The following DCC variants were observed in gnomAD, a reference collection of about 807,000 sequenced individuals.
The protein encoded by DCC is DCC netrin 1 receptor.
A neutral mutation model predicts 172.5 loss-of-function variants in DCC; 58 were observed. That is an observed-to-expected ratio of 0.34 (90% CI 0.27 to 0.42). DCC has a LOEUF of 0.42. Among genes scored for constraint, DCC ranks in the 10% least tolerant of loss-of-function variants. The pLI, the probability that DCC is intolerant of heterozygous loss-of-function variation, is 1.00. For missense variants in DCC, 1,740 were observed against 1,791.0 expected (o/e 0.97, Z 0.51); for synonymous variants, 709 against 644.5 (o/e 1.10, Z -1.52).
At chr18:53,197,571 G>A (rs771949769) in intron 9 of DCC, among the ~76,000 whole-genome samples, 49 of 151,698 alleles carry the variant, frequency 3.2e-4, no homozygotes, top group Non-Finnish European at 5.6e-4. Flanking sequence ...CTTCATTTTG[G>A]ACTTCCAGCT....
chr18:52,668,078 G>A (rs1173050987), intron 1 of DCC, among the ~76,000 whole-genome samples: 1 of 151,788 alleles, frequency 6.6e-6, no homozygotes, highest in African/African-American at 2.4e-5. Flanking sequence ...CAGTGAGTCT[G>A]TCAAAGCAGG....
intron 1 of DCC, among the ~76,000 whole-genome samples, chr18:52,484,547 A>G (rs1145251): frequency 1 from 152,183 of 152,184 alleles, 76,091 homozygotes; most frequent in Non-Finnish European, 1. Context: ...TCTGTTATTA[A>G]TAATCTTTGA....
At chr18:52,884,366 G>A (rs940507465) in intron 2 of DCC, among the ~76,000 whole-genome samples, 2 of 150,610 alleles carry the variant, frequency 1.3e-5, no homozygotes, top group Admixed American at 6.6e-5. Context: ...GATCTTGTAA[G>A]TGTGCTTCAT....
intron 15 of DCC, among the ~76,000 whole-genome samples, chr18:53,358,993 G>A (rs2057914306): frequency 2.0e-5 from 3 of 152,270 alleles, no homozygotes; most frequent in Middle Eastern, 6.8e-3. Flanking sequence ...TCCTAGAAAT[G>A]TTGGGTGGAG....
At chr18:53,153,664 G>A (rs756774943) in intron 7 of DCC, among the ~76,000 whole-genome samples, 6 of 152,066 alleles carry the variant, frequency 3.9e-5, no homozygotes, top group African/African-American at 1.2e-4. Context: ...ATGTTACTTG[G>A]TTTTTATATA....
intron 1 of DCC, among the ~76,000 whole-genome samples, chr18:52,427,181 T>A (rs1420199037): frequency 6.6e-6 from 1 of 152,114 alleles, no homozygotes; most frequent in Non-Finnish European, 1.5e-5. Context: ...CTGCTCATTG[T>A]CATGAAGATA....
intron 1 of DCC, among the ~76,000 whole-genome samples, chr18:52,526,899 T>C (rs2031999858): frequency 6.6e-6 from 1 of 152,186 alleles, no homozygotes; most frequent in Admixed American, 6.5e-5. Flanking sequence ...CATGGGTAAT[T>C]ATTTTCCTCT....
intron 2 of DCC, among the ~76,000 whole-genome samples, chr18:52,835,984 C>G (rs1329151770): frequency 6.6e-6 from 1 of 152,146 alleles, no homozygotes; most frequent in Non-Finnish European, 1.5e-5. Flanking sequence ...AATTGACTCA[C>G]AAGGGAGGCC....
chr18:52,500,288 T>G (rs1174270561), intron 1 of DCC, among the ~76,000 whole-genome samples: 2 of 152,074 alleles, frequency 1.3e-5, no homozygotes, highest in Non-Finnish European at 2.9e-5. Flanking sequence ...AGGACGCGTG[T>G]AAAGGATTCA....
intron 2 of DCC, among the ~76,000 whole-genome samples, chr18:52,835,275 C>T (rs2038685062): frequency 6.6e-6 from 1 of 151,398 alleles, no homozygotes; most frequent in Non-Finnish European, 1.5e-5. Context: ...TCTTTGTTTT[C>T]CAAACACAAG....
At chr18:53,300,992 T>TCC (rs66526310) in intron 12 of DCC, among the ~76,000 whole-genome samples, 2 of 109,844 alleles carry the variant, frequency 1.8e-5, no homozygotes, top group Non-Finnish European at 4.2e-5. Flanking sequence ...TTTCTTTCTT[T>TCC]TTTTTTCTTT....
chr18:53,300,993 T>TTTCTTTC, intron 12 of DCC, among the ~76,000 whole-genome samples: 1 of 11,388 alleles, frequency 8.8e-5, no homozygotes. Context: ...TTCTTTCTTT[T>TTTCTTTC]TTTTTCTTTT....
chr18:52,987,419 T>A (rs2041313538), intron 5 of DCC, among the ~76,000 whole-genome samples: 1 of 152,176 alleles, frequency 6.6e-6, no homozygotes, highest in Admixed American at 6.5e-5. Flanking sequence ...TGAGCAAATT[T>A]TTTTTACAAC....
At chr18:53,054,687 G>T (rs966376621) in intron 5 of DCC, among the ~76,000 whole-genome samples, 1 of 152,062 alleles carries the variant, frequency 6.6e-6, no homozygotes, top group African/African-American at 2.4e-5. Flanking sequence ...GGGATTATTT[G>T]TCTGGCTAAA....
At chr18:52,888,667 A>G (rs555933774) in intron 2 of DCC, among the ~76,000 whole-genome samples, 3 of 151,988 alleles carry the variant, frequency 2.0e-5, no homozygotes, top group Admixed American at 6.6e-5. Context: ...TATGTCAGTT[A>G]TTTAACATAA....
chr18:53,333,722 G>C (rs960757471), intron 14 of DCC, among the ~76,000 whole-genome samples: 3 of 152,162 alleles, frequency 2.0e-5, no homozygotes, highest in Non-Finnish European at 4.4e-5. Context: ...ACCTTGGGGG[G>C]TTTTGAGCAG....
chr18:53,274,486 G>A (rs1287885564), intron 12 of DCC, among the ~76,000 whole-genome samples: 1 of 152,150 alleles, frequency 6.6e-6, no homozygotes, highest in Non-Finnish European at 1.5e-5. Flanking sequence ...CAGGTATGAA[G>A]TAAGTGTGCA....
intron 7 of DCC, among the ~76,000 whole-genome samples, chr18:53,079,305 T>C (rs1339412067): frequency 6.6e-6 from 1 of 151,970 alleles, no homozygotes; most frequent in East Asian, 1.9e-4. Context: ...TACTTGAGCC[T>C]TACTTCTCAT....
At chr18:53,447,305 C>A (rs1912674400) in intron 22 of DCC, among the ~76,000 whole-genome samples, 1 of 152,134 alleles carries the variant, frequency 6.6e-6, no homozygotes, top group Non-Finnish European at 1.5e-5. Flanking sequence ...TCTGATTATT[C>A]AGCCTTTGAT....
Sources: allele counts gnomAD v4.1 joint callset (sites outside exome capture counted in the v4.1 genomes callset), GRCh38; gene constraint gnomAD v4.1.1; transcripts MANE v1.5; gene names NCBI Gene and HGNC (gene_info 2026-07-23, HGNC 2026-07-21).